CSPP1: variants seen among roughly 807,000 people sequenced by gnomAD.
CSPP1 encodes the protein centrosome and spindle pole associated protein 1.
A neutral mutation model predicts 164.4 loss-of-function variants in CSPP1; 126 were observed. That is an observed-to-expected ratio of 0.77 (90% CI 0.66 to 0.89). CSPP1 has a LOEUF of 0.89. Among genes scored for constraint, CSPP1 ranks in the 40% least tolerant of loss-of-function variants. The pLI is 0.00. For missense variants in CSPP1, 1,395 were observed against 1,449.8 expected (o/e 0.96, Z 0.61); for synonymous variants, 472 against 476.7 (o/e 0.99, Z 0.13).
At chr8:67,150,312 T>G (rs1292961779) in intron 18 of CSPP1, among the ~76,000 whole-genome samples, 1 of 152,180 alleles carries the variant, frequency 6.6e-6, no homozygotes, top group Non-Finnish European at 1.5e-5. Context: ...CATTGTGATA[T>G]GATAAATTGT....
intron 1 of CSPP1, among the ~76,000 whole-genome samples, chr8:67,068,765 T>C (rs1402082704): frequency 6.6e-6 from 1 of 152,252 alleles, no homozygotes; most frequent in Non-Finnish European, 1.5e-5. Context: ...GATAAACTAT[T>C]GTACAGAATG....
At chr8:67,070,559 T>C (rs1305690388) in intron 1 of CSPP1, among the ~76,000 whole-genome samples, 8 of 151,578 alleles carry the variant, frequency 5.3e-5, no homozygotes. Flanking sequence ...CACTTGAGCT[T>C]AGCAGTTCAA....
chr8:67,075,770 A>AT (rs1240282989), intron 2 of CSPP1, among the ~76,000 whole-genome samples: 7 of 152,038 alleles, frequency 4.6e-5, no homozygotes, highest in African/African-American at 9.7e-5. Context: ...AAGCAGGTGA[A>AT]TTTTTTTTGT....
At chr8:67,186,653 T>C (rs1834695175) in intron 28 of CSPP1, among the ~76,000 whole-genome samples, 1 of 152,178 alleles carries the variant, frequency 6.6e-6, no homozygotes, top group Admixed American at 6.5e-5. Context: ...ATTAACATCA[T>C]ACTGGAAGTC....
chr8:67,150,713 T>C (rs914757786), intron 18 of CSPP1, among the ~76,000 whole-genome samples: 47 of 152,070 alleles, frequency 3.1e-4, no homozygotes, highest in African/African-American at 1.1e-3. Context: ...GCCTCTTAAC[T>C]ACTTATCTTT....
chr8:67,188,705 C>T (rs2129574718), intron 28 of CSPP1, among the ~76,000 whole-genome samples: 1 of 152,302 alleles, frequency 6.6e-6, no homozygotes, highest in South Asian at 2.1e-4. Context: ...GACTTCCACC[C>T]CTCCGGATCT....
At chr8:67,089,151 A>C (rs1263910829) in intron 4 of CSPP1, among the ~76,000 whole-genome samples, 1 of 152,122 alleles carries the variant, frequency 6.6e-6, no homozygotes, top group African/African-American at 2.4e-5. Context: ...AAAAAAATCA[A>C]ATCTTTTAAT....
chr8:67,073,238 A>C (rs1807204553), intron 1 of CSPP1, among the ~76,000 whole-genome samples: 1 of 152,194 alleles, frequency 6.6e-6, no homozygotes, highest in South Asian at 2.1e-4. Flanking sequence ...ATAATAAAAA[A>C]TAACATCACT....
rs577728199 is a variant in CSPP1 at position 67,076,377 on chromosome 8, G to A, written c.100-105G>A. On this transcript the variant is annotated intron_variant, in intron 2 of 30. Transcript: ENST00000678616. The stretch of plus-strand genomic sequence containing the variant: ...CCTTACACTTAATTTCTTCTATGAT[G>A]TACTGTGTAATTTCATCAAGCTGTT... The A allele has an allele frequency of 8.9e-5, 49 of 552,106 alleles. No homozygotes were observed. In the Middle Eastern group the frequency reaches 1.3e-3, roughly 14 times the overall value. The allele number at this position is 552,106 out of a possible 1,614,324, so 34.2% of individuals were successfully genotyped here.
intron 19 of CSPP1, among the ~76,000 whole-genome samples, chr8:67,157,318 CAG>C (rs1014484696): frequency 4.0e-5 from 6 of 150,640 alleles, no homozygotes; most frequent in African/African-American, 1.5e-4. Context: ...TTTTTAAAGA[CAG>C]AGTCTCATTC....
At position 67,130,504 on chromosome 8, in the gene CSPP1, CAGTT is replaced by C. The variant is rs1220432378; in HGVS notation, c.1698-1444_1698-1441del. ...CCCCCTTGCTCTGAAAAAATACAGT[CAGTT>C]AGGAACTATTTGATCTAGTTTACCT... On this transcript the variant is annotated intron_variant, in intron 15 of 30. Transcript: ENST00000678616. Among the ~76,000 whole-genome samples the C allele has an allele frequency of 6.6e-5, 10 of 152,180 alleles. 1 individual carries two copies. The highest frequency in any genetic ancestry group is 2.1e-4 in the South Asian group (1 of 4,834).
intron 9 of CSPP1, among the ~76,000 whole-genome samples, chr8:67,108,050 A>G (rs577026435): frequency 1.6e-5 from 2 of 126,238 alleles, no homozygotes; most frequent in South Asian, 5.0e-4. Flanking sequence ...TTTAGTATGT[A>G]CTTGAAAGAA....
intron 18 of CSPP1, among the ~76,000 whole-genome samples, chr8:67,152,383 C>A (rs1273404421): frequency 6.6e-6 from 1 of 152,006 alleles, no homozygotes; most frequent in Non-Finnish European, 1.5e-5. Context: ...TTATAATGTT[C>A]ATTATTTTTT....
rs750714624 is a variant in CSPP1, at chr8:67,179,856, C to T, written c.3157-7C>T. On this transcript the variant is annotated splice_polypyrimidine_tract_variant and splice_region_variant and intron_variant, in intron 27 of 30. Coordinates refer to ENST00000678616, the MANE Select transcript of CSPP1 (RefSeq NM_001382391.1). ...TAAAAATAGTCATTGAAACATGTTT[C>T]TTTTAGCCCAGAGATGACACTAGTG... The T allele has an allele frequency of 3.5e-5, 55 of 1,583,110 alleles. 1 individual carries two copies. The South Asian group carries it at 5.1e-4, about 15-fold the overall frequency.
At chr8:67,188,710 G>C (rs1835364586) in intron 28 of CSPP1, among the ~76,000 whole-genome samples, 1 of 152,136 alleles carries the variant, frequency 6.6e-6, no homozygotes, top group Non-Finnish European at 1.5e-5. Flanking sequence ...CCACCCCTCC[G>C]GATCTGGCAG....
chr8:67,101,374 A>G (rs1814086803), intron 7 of CSPP1, among the ~76,000 whole-genome samples: 1 of 152,218 alleles, frequency 6.6e-6, no homozygotes, highest in Non-Finnish European at 1.5e-5. Context: ...GCCAAGGGTC[A>G]ACTGTACAGT....
chr8:67,103,458 T>TA (rs1222825519), intron 8 of CSPP1, among the ~76,000 whole-genome samples: 1 of 151,954 alleles, frequency 6.6e-6, no homozygotes, highest in Non-Finnish European at 1.5e-5. Flanking sequence ...AAAATCAACT[T>TA]AAAATATCTT....
chr8:67,177,589 A>G, intron 26 of CSPP1, 91 bp from the exon 27 acceptor site: 1 of 775,644 alleles, frequency 1.3e-6, no homozygotes, highest in East Asian at 2.7e-5. Flanking sequence ...TTTCCAGTAG[A>G]GAGCTAGTCA....
At chr8:67,124,860 T>C (rs1441573230) in intron 15 of CSPP1, among the ~76,000 whole-genome samples, 2 of 152,052 alleles carry the variant, frequency 1.3e-5, no homozygotes, top group Admixed American at 1.3e-4. Context: ...TTTAATTTTT[T>C]GTAGAGACAG....
Sources: gnomAD v4.1 joint callset for allele counts (sites outside exome capture counted in the v4.1 genomes callset) on GRCh38, gnomAD v4.1.1 for gene constraint, MANE v1.5 for transcripts, NCBI Gene and HGNC (gene_info 2026-07-23, HGNC 2026-07-21) for gene names.